Variants in GSE1 observed in about 807,000 individuals in gnomAD.
GSE1 encodes the protein Gse1 coiled-coil protein.
GSE1 carries 32 observed loss-of-function variants against 112.6 expected under a neutral mutation model. That is an observed-to-expected ratio of 0.28 (90% CI 0.21 to 0.38). GSE1 has a LOEUF of 0.38. Ranked by LOEUF, GSE1 falls within the 10% of genes least tolerant of loss-of-function variation. GSE1 has a pLI of 1.00. For missense variants in GSE1, 2,348 were observed against 1,699.2 expected (o/e 1.38, Z -6.71); for synonymous variants, 1,115 against 735.6 (o/e 1.52, Z -8.35).
At chr16:85,610,141 G>A (rs1037592792), upstream of GSE1, among the ~76,000 whole-genome samples, 1 of 152,232 alleles carries the variant, frequency 6.6e-6, no homozygotes. Flanking sequence ...CTCAGGGTGT[G>A]AGCAAACGCG....
chr16:85,634,935 G>C (rs1292968790), intron 2 of GSE1, among the ~76,000 whole-genome samples: 1 of 151,716 alleles, frequency 6.6e-6, no homozygotes, highest in African/African-American at 2.4e-5. Context: ...ACACCCTCTG[G>C]ACTCGCTGCT....
chr16:85,669,969 C>G (rs1300499215), intron 14 of GSE1, among the ~76,000 whole-genome samples: 6 of 152,376 alleles, frequency 3.9e-5, no homozygotes, highest in South Asian at 4.1e-4. Flanking sequence ...CCCCCAAGGA[C>G]TTTTCCCCTA....
chr16:85,675,594 C>T lies in GSE1; in HGVS notation c.*3055C>T, dbSNP rs1042101375. On this transcript the variant is annotated 3_prime_UTR_variant, in exon 16 of 16. Transcript: ENST00000253458. ...CCTTCAGCAGTGAAGGATTCTAACA[C>T]AGGGAATCTGCAGTTTGTAGCAGAA... 3 of 152,196 alleles carry T rather than the reference C, an allele frequency of 2.0e-5. No homozygotes were observed. The highest frequency in any genetic ancestry group is 7.2e-5 in the African/African-American group (3 of 41,448). 9.4% of individuals were successfully genotyped at this position (152,196 alleles called of 1,614,324 possible). A position where few individuals can be genotyped will look rare whatever the true frequency, so the allele number is the denominator to read the frequency against.
intron 2 of GSE1, among the ~76,000 whole-genome samples, chr16:85,364,653 C>T (rs183737499): frequency 4.1e-4 from 62 of 152,232 alleles, no homozygotes; most frequent in African/African-American, 1.4e-3. Flanking sequence ...CCATCACCAG[C>T]GGGCACGGGC....
intron 2 of GSE1, among the ~76,000 whole-genome samples, chr16:85,634,952 C>G (rs952117606): frequency 7.2e-5 from 11 of 151,920 alleles, no homozygotes; most frequent in Non-Finnish European, 1.5e-4. Flanking sequence ...TGCTGACAGG[C>G]GGGGGGGCTG....
chr16:85,617,744 G>C (rs535120165), intron 1 of GSE1, among the ~76,000 whole-genome samples: 1 of 152,144 alleles, frequency 6.6e-6, no homozygotes, highest in South Asian at 2.1e-4. Context: ...CCTTCTGCTG[G>C]GGGGAGCAAT....
At chr16:85,505,378 C>T (rs1322724655) in intron 2 of GSE1, among the ~76,000 whole-genome samples, 1 of 152,206 alleles carries the variant, frequency 6.6e-6, no homozygotes, top group Non-Finnish European at 1.5e-5. Context: ...ACATCAGTCA[C>T]AGCGAGTGCT....
chr16:85,669,673 G>A (rs1305702346), intron 14 of GSE1, among the ~76,000 whole-genome samples: 2 of 152,148 alleles, frequency 1.3e-5, no homozygotes, highest in Non-Finnish European at 2.9e-5. Flanking sequence ...GTGTGGTGTT[G>A]GGAATTATTT....
At chr16:85,296,120 G>T (rs887921468) in intron 1 of GSE1, among the ~76,000 whole-genome samples, 1 of 152,096 alleles carries the variant, frequency 6.6e-6, no homozygotes, top group African/African-American at 2.4e-5. Flanking sequence ...AGGCTGAGGG[G>T]GGATGTGGGA....
At chr16:85,297,666 G>A (rs1334313050) in intron 1 of GSE1, among the ~76,000 whole-genome samples, 1 of 152,032 alleles carries the variant, frequency 6.6e-6, no homozygotes, top group Non-Finnish European at 1.5e-5. Flanking sequence ...AAAGTGCCTG[G>A]CTAATTTTCC....
At position 85,363,537 on chromosome 16, in the gene GSE1, G is replaced by A. The variant is rs372489456; in HGVS notation, c.2464+5894G>A. Among the ~76,000 whole-genome samples the A allele has an allele frequency of 3.9e-5, 6 of 152,352 alleles. No homozygotes were observed. In the East Asian group the frequency reaches 1.2e-3, roughly 29 times the overall value. On this transcript the variant is annotated intron_variant, in intron 2 of 2. Coordinates refer to the GSE1 transcript ENST00000637419. ...ACCTCCTCCTGGCTCTTCCCATGGG[G>A]TTTCTCTCTCTGTTCCCAGGGCAGG... is the stretch of plus-strand genomic sequence containing the variant.
chr16:85,379,423 T>A (rs1165786871), intron 2 of GSE1, among the ~76,000 whole-genome samples: 1 of 152,140 alleles, frequency 6.6e-6, no homozygotes, highest in Non-Finnish European at 1.5e-5. Flanking sequence ...CACAGAGTGG[T>A]CTTCCCCTCC....
intron 1 of GSE1, among the ~76,000 whole-genome samples, chr16:85,293,050 C>T (rs74031781): frequency 0.15 from 23,116 of 152,180 alleles, 1,874 homozygotes; most frequent in African/African-American, 0.18. Flanking sequence ...ACCACCGCCA[C>T]CGTGTTGCTG....
intron 2 of GSE1, among the ~76,000 whole-genome samples, chr16:85,513,760 A>T (rs2151937033): frequency 6.6e-6 from 1 of 152,210 alleles, no homozygotes; most frequent in East Asian, 1.9e-4. Flanking sequence ...GCTCCTGAGA[A>T]AGGGCTGCTC....
intron 2 of GSE1, among the ~76,000 whole-genome samples, chr16:85,434,723 C>T (rs2049203710): frequency 6.6e-6 from 1 of 152,244 alleles, no homozygotes; most frequent in Non-Finnish European, 1.5e-5. Context: ...GAGGCTGAGG[C>T]AGGAGAGTGG....
At chr16:85,246,509 C>G (rs994328303) in intron 1 of GSE1, among the ~76,000 whole-genome samples, 5 of 102,148 alleles carry the variant, frequency 4.9e-5, no homozygotes, top group Non-Finnish European at 9.9e-5. Flanking sequence ...CACCCCCCCC[C>G]CCCCGACGCT....
At chr16:85,388,783 T>C (rs1294916356) in intron 2 of GSE1, among the ~76,000 whole-genome samples, 1 of 152,144 alleles carries the variant, frequency 6.6e-6, no homozygotes, top group Non-Finnish European at 1.5e-5. Context: ...TCTGGGTTTC[T>C]TTCCTTCCCT....
intron 2 of GSE1, among the ~76,000 whole-genome samples, chr16:85,529,735 G>A (rs573190931): frequency 2.2e-4 from 34 of 152,312 alleles, no homozygotes; most frequent in Middle Eastern, 3.4e-3. Flanking sequence ...AGGTGGAGAC[G>A]GAACAGGGAG....
intron 1 of GSE1, among the ~76,000 whole-genome samples, chr16:85,615,741 A>T (rs993376571): frequency 6.6e-6 from 1 of 152,196 alleles, no homozygotes; most frequent in Non-Finnish European, 1.5e-5. Flanking sequence ...TCAGAGTTCA[A>T]AGGGGCTTGT....
Sources: allele counts gnomAD v4.1 joint callset (sites outside exome capture counted in the v4.1 genomes callset), GRCh38; gene constraint gnomAD v4.1.1; transcripts MANE v1.5; gene names NCBI Gene and HGNC (gene_info 2026-07-23, HGNC 2026-07-21).